ITGB6: variants seen among roughly 807,000 people sequenced by gnomAD.
The protein encoded by ITGB6 is integrin subunit beta 6.
In ITGB6, 80 loss-of-function variants were observed where a neutral mutation model predicts 84.5. That is an observed-to-expected ratio of 0.95 (90% CI 0.79 to 1.14). ITGB6 has a LOEUF of 1.14. ITGB6 is among the 50% of genes most tolerant of loss of function. The pLI is 0.00. For missense variants in ITGB6, 1,006 were observed against 968.0 expected, an observed-to-expected ratio of 1.04 and a Z score of -0.52; for synonymous variants, 383 against 354.9, an observed-to-expected ratio of 1.08 and a Z score of -0.89.
chr2:160,135,722 C>T (rs1311692325), intron 10 of ITGB6, among the ~76,000 whole-genome samples: 79 of 151,916 alleles, frequency 5.2e-4, no homozygotes, highest in African/African-American at 1.8e-3. Context: ...ACCAATGGAA[C>T]AGAACAGAGC....
intron 2 of ITGB6, among the ~76,000 whole-genome samples, chr2:160,197,180 C>T (rs1156554928): frequency 6.6e-6 from 1 of 152,058 alleles, no homozygotes; most frequent in Non-Finnish European, 1.5e-5. Context: ...CCTGTAGTCC[C>T]AGCTACTTGG....
chr2:160,104,867 G>A (rs796526252), intron 14 of ITGB6, among the ~76,000 whole-genome samples: 17 of 152,318 alleles, frequency 1.1e-4, no homozygotes, highest in African/African-American at 3.8e-4. Context: ...AAATGTTTTA[G>A]GAGGTAGGAG....
intron 12 of ITGB6, among the ~76,000 whole-genome samples, chr2:160,117,161 G>A (rs1011432886): frequency 6.6e-6 from 1 of 151,970 alleles, no homozygotes; most frequent in Non-Finnish European, 1.5e-5. Flanking sequence ...GCACCAAGCG[G>A]ACCTAATAGA....
chr2:160,149,142 C>A (rs1283698867), intron 7 of ITGB6, among the ~76,000 whole-genome samples: 2 of 152,270 alleles, frequency 1.3e-5, no homozygotes, highest in African/African-American at 4.8e-5. Context: ...CAGACTGCCT[C>A]CTCAAGTGGG....
At chr2:160,151,445 A>C (rs1684412344) in intron 7 of ITGB6, among the ~76,000 whole-genome samples, 1 of 152,222 alleles carries the variant, frequency 6.6e-6, no homozygotes, top group Non-Finnish European at 1.5e-5. Flanking sequence ...CATTCAAAGC[A>C]GTGTGTAGAG....
chr2:160,111,993 G>T, intron 13 of ITGB6, 87 bp downstream of exon 13: 1 of 1,334,390 alleles, frequency 7.5e-7, no homozygotes, highest in Non-Finnish European at 1.0e-6. Context: ...GTCTTTCCTG[G>T]CATGCTACCC....
At chr2:160,187,265 A>T (rs1685937893) in intron 4 of ITGB6, among the ~76,000 whole-genome samples, 1 of 152,188 alleles carries the variant, frequency 6.6e-6, no homozygotes, top group Non-Finnish European at 1.5e-5. Flanking sequence ...ATATTTTACA[A>T]AGGACAAAGC....
chr2:160,119,853 C>G (rs916429912), intron 12 of ITGB6, among the ~76,000 whole-genome samples: 18 of 151,978 alleles, frequency 1.2e-4, no homozygotes, highest in South Asian at 4.2e-4. Flanking sequence ...AAAAGTGGGC[C>G]AAGGATATGA....
chr2:160,113,657 G>T (rs1426552040), intron 12 of ITGB6, among the ~76,000 whole-genome samples: 1 of 152,126 alleles, frequency 6.6e-6, no homozygotes, highest in Non-Finnish European at 1.5e-5. Flanking sequence ...ACCCACCTTG[G>T]GTATTCTGAT....
At chr2:160,170,974 C>A (rs763225980) in intron 6 of ITGB6, among the ~76,000 whole-genome samples, 1 of 152,040 alleles carries the variant, frequency 6.6e-6, no homozygotes, top group Non-Finnish European at 1.5e-5. Context: ...AGACAACATG[C>A]GGCTATCCTC....
chr2:160,186,763 C>A (rs1685915835), intron 4 of ITGB6, among the ~76,000 whole-genome samples: 1 of 152,152 alleles, frequency 6.6e-6, no homozygotes, highest in Admixed American at 6.5e-5. Flanking sequence ...GGCACATATA[C>A]ACCATGGAAT....
intron 11 of ITGB6, among the ~76,000 whole-genome samples, chr2:160,124,334 A>G (rs1205168897): frequency 6.6e-6 from 1 of 152,220 alleles, no homozygotes; most frequent in Non-Finnish European, 1.5e-5. Flanking sequence ...TGGACTTTGT[A>G]TATGTCTTAT....
At chr2:160,137,285 G>A (rs989769143) in intron 10 of ITGB6, 149 bp downstream of exon 10, 3 of 671,058 alleles carry the variant, frequency 4.5e-6, no homozygotes, top group Non-Finnish European at 7.5e-6. Context: ...ACCTACAAGA[G>A]AAGATTCAGT....
rs1696646950 is a variant in ITGB6, at chr2:160,099,842, A to G, written c.*1894T>C. The G allele has an allele frequency of 2.6e-5, 4 of 152,310 alleles. No individual in the cohort carries two copies. The South Asian group carries it at 8.3e-4, about 32-fold the overall frequency. 9.4% of individuals were successfully genotyped at this position (152,310 alleles called of 1,614,324 possible). A position where few individuals can be genotyped will look rare whatever the true frequency, so the allele number is the denominator to read the frequency against. ...GGGTCAAAACAGTATTCAGAGAAAG[A>G]GCAGATTCTTCTCTACCTTCCCTAA... On this transcript the variant is annotated 3_prime_UTR_variant, in exon 15 of 15. Coordinates refer to ENST00000283249, the MANE Select transcript of ITGB6 (RefSeq NM_000888.5).
chr2:160,135,885 C>T (rs1457291783), intron 10 of ITGB6, among the ~76,000 whole-genome samples: 1 of 152,122 alleles, frequency 6.6e-6, no homozygotes, highest in Non-Finnish European at 1.5e-5. Context: ...CTTCCTTACA[C>T]CTTATACTAA....
At chr2:160,149,823 T>G (rs1684341565) in intron 7 of ITGB6, among the ~76,000 whole-genome samples, 1 of 152,062 alleles carries the variant, frequency 6.6e-6, no homozygotes, top group Non-Finnish European at 1.5e-5. Flanking sequence ...CAAGCTTCAA[T>G]AGCAGGTTCA....
rs773594504 is a variant in ITGB6, at chr2:160,137,801, C to T, written c.1293G>A (p.Arg431=). The T allele has an allele frequency of 1.9e-6, 3 of 1,614,152 alleles. No individual in the cohort carries two copies. Among genetic ancestry groups the T allele is most frequent in the South Asian group, 2.2e-5 (2 of 91,080 alleles). The change falls in exon 10 of 15, where the codon AGG becomes AGA. Residue 431 remains arginine (R), a synonymous_variant. Coordinates refer to ENST00000283249, the MANE Select transcript of ITGB6 (RefSeq NM_000888.5). The stretch of plus-strand genomic sequence containing the variant: ...GCCCCACAGGCTTTATGATAATGTG[C>T]CTGCTTCTTCTCTCGCAGTGTGGGA... ...VNIPHCERRS[R]HIIIKPVGLG...
intron 8 of ITGB6, among the ~76,000 whole-genome samples, chr2:160,139,606 A>T (rs892242076): frequency 6.6e-6 from 1 of 152,208 alleles, no homozygotes; most frequent in African/African-American, 2.4e-5. Flanking sequence ...ACATGATCTG[A>T]CCTAAATAAA....
At chr2:160,195,051 G>A (rs1221950771) in intron 4 of ITGB6, among the ~76,000 whole-genome samples, 2 of 152,174 alleles carry the variant, frequency 1.3e-5, no homozygotes, top group East Asian at 3.9e-4. Context: ...GAGAGGCTGG[G>A]GCTGGGCACC....
Sources: allele counts gnomAD v4.1 joint callset (sites outside exome capture counted in the v4.1 genomes callset), GRCh38; gene constraint gnomAD v4.1.1; transcripts MANE v1.5; gene names NCBI Gene and HGNC (gene_info 2026-07-23, HGNC 2026-07-21).